Variants in LYST observed in about 807,000 individuals in gnomAD.
LYST encodes the protein lysosomal-trafficking regulator.
LYST carries 192 observed loss-of-function variants against 413.6 expected under a neutral mutation model. The observed-to-expected ratio is 0.46, with a 90% CI of 0.41 to 0.52. The LOEUF (loss-of-function observed/expected upper bound fraction) is 0.52. Among genes scored for constraint, LYST ranks in the 20% least tolerant of loss-of-function variants. The pLI, the probability that LYST is intolerant of heterozygous loss-of-function variation, is 0.00. For synonymous variants in LYST, 1,525 were observed against 1,567.3 expected (o/e 0.97, Z 0.64); for missense variants, 3,815 against 4,499.9 (o/e 0.85, Z 4.35).
intron 11 of LYST, among the ~76,000 whole-genome samples, chr1:235,793,167 G>A (rs1229212055): frequency 2.0e-5 from 3 of 152,098 alleles, no homozygotes; most frequent in African/African-American, 7.2e-5. Flanking sequence ...CTTTTGAAAA[G>A]GATAATCCCT....
intron 44 of LYST, among the ~76,000 whole-genome samples, chr1:235,706,270 C>T (rs191485687): frequency 1.1e-3 from 161 of 152,248 alleles, no homozygotes; most frequent in African/African-American, 3.8e-3. Context: ...TTTGGCTTTC[C>T]CCTGAAGCAG....
intron 52 of LYST, 118 bp from the exon 53 acceptor site, chr1:235,663,196 A>G (rs550217456): frequency 2.7e-6 from 2 of 735,136 alleles, no homozygotes; most frequent in East Asian, 2.7e-5. Context: ...AGAGAGACAT[A>G]AACTAAATGA....
In LYST at chr1:235,806,784, A is replaced by G. The variant is rs754612949; in HGVS notation, c.2364-12T>C. On this transcript the variant is annotated splice_polypyrimidine_tract_variant and intron_variant, in intron 5 of 52. Coordinates refer to ENST00000389793, the MANE Select transcript of LYST (RefSeq NM_000081.4). ...AATCTCTTATTACCCTGTGAAAGAA[A>G]AAAAGCATGTAAAAAGGTTTAAATA... 16 of 1,577,806 alleles carry G rather than the reference A, an allele frequency of 1.0e-5. No homozygotes were observed. Among genetic ancestry groups the G allele is most frequent in the Non-Finnish European group, 1.2e-5 (14 of 1,148,146 alleles).
chr1:235,672,611 T>G (rs1031157522), intron 50 of LYST, among the ~76,000 whole-genome samples: 1 of 152,204 alleles, frequency 6.6e-6, no homozygotes, highest in Non-Finnish European at 1.5e-5. Context: ...AATCATGATA[T>G]TTTAGTTCTT....
chr1:235,798,673 A>G (rs1304014273), intron 10 of LYST, among the ~76,000 whole-genome samples: 1 of 151,432 alleles, frequency 6.6e-6, no homozygotes, highest in Non-Finnish European at 1.5e-5. Context: ...TAGAAAGAGA[A>G]CTAAAGTGCT....
At chr1:235,739,062 CT>C in intron 31 of LYST, 2 of 605,160 alleles carry the variant, frequency 3.3e-6, no homozygotes. Context: ...GCATATTGTC[CT>C]TTTTATCTGA....
chr1:235,751,064 G>A, intron 28 of LYST, 146 bp downstream of exon 28: 1 of 751,754 alleles, frequency 1.3e-6, no homozygotes, highest in Non-Finnish European at 2.3e-6. Context: ...CTAAAAGTAA[G>A]GAGCAGAATA....
intron 10 of LYST, among the ~76,000 whole-genome samples, chr1:235,793,989 T>C (rs1449544755): frequency 1.3e-5 from 2 of 152,006 alleles, no homozygotes; most frequent in Non-Finnish European, 2.9e-5. Flanking sequence ...CGTGTCACCA[T>C]GCCCAGGTAA....
In LYST at chr1:235,674,429, C is replaced by T. The variant is rs1000253996; in HGVS notation, c.11038+2662G>A. ...AAAAAAAAAAAAAAAGTGTCCCCCT[C>T]GGGTCTTTTGATCGTCACATATATA... On this transcript the variant is annotated intron_variant, in intron 50 of 52. Transcript: ENST00000389793. This position sits in a 1 kb window ranked among gnomAD's most constrained non-coding sequence, Gnocchi z 4.1. Among the ~76,000 whole-genome samples, 6 of 151,562 alleles carry T rather than the reference C, an allele frequency of 4.0e-5. No homozygotes were observed. Among genetic ancestry groups the T allele is most frequent in the East Asian group, 1.9e-4 (1 of 5,174 alleles).
At chr1:235,843,116 C>T (rs1677403766) in intron 1 of LYST, among the ~76,000 whole-genome samples, 1 of 152,104 alleles carries the variant, frequency 6.6e-6, no homozygotes, top group Non-Finnish European at 1.5e-5. Flanking sequence ...AACAACAGGG[C>T]AAGAAATGGT....
At chr1:235,732,503 A>G (rs1204571824) in intron 34 of LYST, among the ~76,000 whole-genome samples, 1 of 152,156 alleles carries the variant, frequency 6.6e-6, no homozygotes, top group East Asian at 1.9e-4. Context: ...TTAGGATAGA[A>G]TCACTAAAAT....
At chr1:235,754,297 A>G (rs1298086039) in intron 25 of LYST, among the ~76,000 whole-genome samples, 1 of 143,626 alleles carries the variant, frequency 7.0e-6, no homozygotes, top group Non-Finnish European at 1.5e-5. Context: ...CAATTGTGCA[A>G]TCCTGGCTCA....
At chr1:235,749,054 G>A (rs1666204796) in intron 28 of LYST, among the ~76,000 whole-genome samples, 1 of 152,154 alleles carries the variant, frequency 6.6e-6, no homozygotes, top group African/African-American at 2.4e-5. Context: ...AACGGCTTGA[G>A]TCTTTGAAGG....
rs1398421051 is a variant in LYST, at chr1:235,810,003, T to A, written c.815A>T (p.Asp272Val). 6.2e-7 allele frequency: 1 copy of A among 1,613,812 alleles called. No homozygotes were observed. The highest frequency in any genetic ancestry group is 1.1e-5 in the South Asian group (1 of 91,084). ...AGGAGAATTATGATTCAAGGTAACG[T>A]CAAACTTACAAACTTTTTCTAATAA... ...LSLLEKVCKF[D>V]VTLNHNSPLA... is the part of the protein sequence containing the mutation. The change falls in exon 5 of 53, where the codon GAC becomes GTC. Residue 272 changes from aspartate to valine, a missense_variant. Coordinates refer to ENST00000389793, the MANE Select transcript of LYST (RefSeq NM_000081.4).
intron 43 of LYST, among the ~76,000 whole-genome samples, chr1:235,710,506 T>C (rs920341374): frequency 3.3e-5 from 5 of 152,128 alleles, no homozygotes; most frequent in African/African-American, 1.2e-4. Flanking sequence ...AACATCTGAC[T>C]CCTGACCCAA....
At chr1:235,696,997 C>G in intron 46 of LYST, 86 bp downstream of exon 46, 1 of 1,319,920 alleles carries the variant, frequency 7.6e-7, no homozygotes. Context: ...CCACCAAGGA[C>G]TCAAAGTAGC....
intron 3 of LYST, 67 bp from the exon 4 acceptor site, chr1:235,813,128 G>T: frequency 1.1e-6 from 1 of 929,688 alleles, no homozygotes; most frequent in Non-Finnish European, 1.8e-6. Context: ...CTAATGTCTT[G>T]TCTTAAACTG....
intron 20 of LYST, 137 bp from the exon 21 acceptor site, chr1:235,766,414 C>T (rs1668157011): frequency 9.8e-6 from 6 of 612,452 alleles, no homozygotes; most frequent in Non-Finnish European, 1.7e-5. Context: ...TTACCATTAC[C>T]ATAACAACTC....
Position 235,806,135 on chromosome 1 carries a change from G to A in LYST, c.3001C>T (p.Leu1001=), listed in dbSNP as rs531135839. The stretch of plus-strand genomic sequence containing the variant: ...TGCTCCTCTTTGTGACTTCTGAACA[G>A]TTTCTGTATTATCATAAATATTAAC... ...HKLIFMIIQK[L]FRSHKEEQGK... Residue 1001 remains leucine (L), a synonymous_variant, in exon 6 of 53, where the codon CTG becomes TTG. Transcript: ENST00000389793. 4.9e-5 allele frequency: 79 copies of A among 1,613,756 alleles called. No individual in the cohort carries two copies. The highest frequency in any genetic ancestry group is 2.2e-4 in the South Asian group (20 of 91,062).
Sources: gnomAD v4.1 joint callset for allele counts (sites outside exome capture counted in the v4.1 genomes callset) on GRCh38, gnomAD v4.1.1 for gene constraint, Gnocchi (gnomAD v3.1) non-coding constraint, MANE v1.5 for transcripts, NCBI Gene and HGNC (gene_info 2026-07-23, HGNC 2026-07-21) for gene names.